Variants in RGS12 observed in about 807,000 individuals in gnomAD.
RGS12 encodes the protein regulator of G protein signaling 12.
In RGS12, 66 loss-of-function variants were observed where a neutral mutation model predicts 120.1. That is an observed-to-expected ratio of 0.55 (90% CI 0.45 to 0.67). The LOEUF (loss-of-function observed/expected upper bound fraction) is 0.67. Ranked by LOEUF, RGS12 falls within the 30% of genes least tolerant of loss-of-function variation. The probability of loss-of-function intolerance (pLI) is 0.00; values close to 1 mark genes in which losing one functional copy is unlikely to be tolerated. For synonymous variants in RGS12, 827 were observed against 804.7 expected (o/e 1.03, Z -0.47); for missense variants, 1,859 against 1,957.7 (o/e 0.95, Z 0.95).
chr4:3,386,837 T>C (rs1268073322), intron 4 of RGS12, among the ~76,000 whole-genome samples: 2 of 152,226 alleles, frequency 1.3e-5, no homozygotes, highest in Non-Finnish European at 2.9e-5. Context: ...GAAATTTGGG[T>C]GAGACCCAGA....
intron 2 of RGS12, among the ~76,000 whole-genome samples, chr4:3,335,803 A>T (rs1469623142): frequency 1.3e-5 from 2 of 152,012 alleles, no homozygotes; most frequent in Non-Finnish European, 2.9e-5. Flanking sequence ...ATTCGAAAAA[A>T]ACTGGGCCGG....
intron 1 of RGS12, among the ~76,000 whole-genome samples, chr4:3,294,172 C>T (rs1478103759): frequency 6.6e-6 from 1 of 152,268 alleles, no homozygotes; most frequent in African/African-American, 2.4e-5. Flanking sequence ...CTGAAGTCCT[C>T]AGCGTGGTCC....
At chr4:3,322,992 C>T (rs928934638) in intron 2 of RGS12, among the ~76,000 whole-genome samples, 2 of 152,172 alleles carry the variant, frequency 1.3e-5, no homozygotes, top group African/African-American at 2.4e-5. Flanking sequence ...CTGGAGTACC[C>T]GAGAGCTACA....
chr4:3,439,180 T>G (rs1725088449), intron 17 of RGS12, among the ~76,000 whole-genome samples: 2 of 151,436 alleles, frequency 1.3e-5, no homozygotes, highest in African/African-American at 4.9e-5. Context: ...TGAGCTGCAG[T>G]GGGGAAGCAG....
At chr4:3,411,122 C>T (rs905338207) in intron 4 of RGS12, among the ~76,000 whole-genome samples, 1 of 152,210 alleles carries the variant, frequency 6.6e-6, no homozygotes, top group Non-Finnish European at 1.5e-5. Context: ...CTAATTTACA[C>T]TTAAATCTTT....
At chr4:3,401,552 C>A (rs569913935) in intron 4 of RGS12, among the ~76,000 whole-genome samples, 3 of 152,248 alleles carry the variant, frequency 2.0e-5, no homozygotes, top group Non-Finnish European at 4.4e-5. Flanking sequence ...GGAGTTCTCA[C>A]GCTGTCCCTG....
At chr4:3,421,523 C>T (rs550199944) in intron 10 of RGS12, among the ~76,000 whole-genome samples, 3 of 152,354 alleles carry the variant, frequency 2.0e-5, no homozygotes, top group East Asian at 1.9e-4. Flanking sequence ...CCATTCTGGC[C>T]GGCCTTGCCG....
intron 4 of RGS12, among the ~76,000 whole-genome samples, chr4:3,391,981 T>C (rs1719552176): frequency 1.3e-5 from 2 of 152,222 alleles, no homozygotes; most frequent in South Asian, 4.1e-4. Context: ...ACTTTTAACC[T>C]AAGGACTTTC....
chr4:3,430,515 G>A lies in RGS12; in HGVS notation c.3674G>A (p.Gly1225Asp), dbSNP rs1358228891. ...VLPEFLRLPPGSTELTLPTPA... is the reference protein window; with the variant it reads ...VLPEFLRLPPDSTELTLPTPA... ...CCAGAGTTCCTCCGTTTACCTCCTG[G>A]TTCCACAGAACTCACCCTCCCCACT... Residue 1225 changes from glycine (G) to aspartate (D), a missense_variant, in exon 17 of 18, where the codon GGT (glycine) becomes GAT (aspartate). Physicochemically the swap from Gly to Asp is moderately conservative, Grantham distance 94. Transcript: ENST00000336727. The A allele has an allele frequency of 1.2e-6, 2 of 1,613,608 alleles. No individual in the cohort carries two copies. Among genetic ancestry groups the A allele is most frequent in the South Asian group, 1.1e-5 (1 of 91,084 alleles).
intron 3 of RGS12, among the ~76,000 whole-genome samples, chr4:3,383,950 G>A (rs1387747238): frequency 6.6e-6 from 1 of 152,160 alleles, no homozygotes; most frequent in Non-Finnish European, 1.5e-5. Context: ...GTGTATAGAG[G>A]TTTTCTAGAG....
At chr4:3,340,133 C>G (rs1712900648) in intron 2 of RGS12, among the ~76,000 whole-genome samples, 1 of 152,252 alleles carries the variant, frequency 6.6e-6, no homozygotes, top group Non-Finnish European at 1.5e-5. Flanking sequence ...GCAGTCAGTC[C>G]CCCGTGTTGT....
chr4:3,370,836 G>A (rs1360864021), intron 3 of RGS12, among the ~76,000 whole-genome samples: 2 of 152,052 alleles, frequency 1.3e-5, no homozygotes, highest in Non-Finnish European at 2.9e-5. Flanking sequence ...TGAAGTTGAA[G>A]TTACTCTAAA....
At chr4:3,292,730 C>G (rs1051366715), upstream of RGS12, among the ~76,000 whole-genome samples, 5 of 152,222 alleles carry the variant, frequency 3.3e-5, no homozygotes, top group Non-Finnish European at 7.4e-5. Flanking sequence ...CAGGGCCGGG[C>G]CAGTGCGGGT....
intron 1 of RGS12, among the ~76,000 whole-genome samples, chr4:3,308,296 G>T (rs554648407): frequency 6.6e-6 from 1 of 152,252 alleles, no homozygotes; most frequent in Non-Finnish European, 1.5e-5. Context: ...AACAGCCGGC[G>T]TTAGTAAGAG....
chr4:3,439,699 GC>G lies in RGS12; in HGVS notation c.*17del. ...CCTTCGTCTGAGCTGCCCTGGCCTG[GC>G]CAACTCTCCTGTGGACATGTCGGGG... On this transcript the variant is annotated 3_prime_UTR_variant, in exon 18 of 18. Coordinates refer to ENST00000336727, the MANE Select transcript of RGS12 (RefSeq NM_001394154.1). 2.0e-6 allele frequency: 3 copies of G among 1,486,454 alleles called. No homozygotes were observed. The highest frequency in any genetic ancestry group is 2.7e-6 in the Non-Finnish European group (3 of 1,116,074). The allele number at this position is 1,486,454 out of a possible 1,614,324, so 92.1% of individuals were successfully genotyped here.
intron 3 of RGS12, among the ~76,000 whole-genome samples, chr4:3,355,629 T>A (rs1323641549): frequency 6.6e-6 from 1 of 151,804 alleles, no homozygotes; most frequent in Non-Finnish European, 1.5e-5. Context: ...AACCTGTCTC[T>A]ACAAAAAATA....
intron 3 of RGS12, among the ~76,000 whole-genome samples, chr4:3,349,618 G>A (rs955490600): frequency 2.0e-5 from 3 of 151,202 alleles, no homozygotes; most frequent in Non-Finnish European, 4.4e-5. Flanking sequence ...CTTACTTTTC[G>A]TATACTTTGT....
intron 3 of RGS12, among the ~76,000 whole-genome samples, chr4:3,354,216 A>G (rs1714653656): frequency 6.6e-6 from 1 of 152,184 alleles, no homozygotes; most frequent in African/African-American, 2.4e-5. Flanking sequence ...CTCCCGCAAC[A>G]TGGGAAGCCT....
intron 3 of RGS12, among the ~76,000 whole-genome samples, chr4:3,364,892 G>A (rs1716137060): frequency 6.6e-6 from 1 of 152,052 alleles, no homozygotes; most frequent in South Asian, 2.1e-4. Flanking sequence ...ACCTCTGCTT[G>A]GAAGGACCCT....
Sources: allele counts gnomAD v4.1 joint callset (sites outside exome capture counted in the v4.1 genomes callset), GRCh38; gene constraint gnomAD v4.1.1; transcripts MANE v1.5; gene names NCBI Gene and HGNC (gene_info 2026-07-23, HGNC 2026-07-21).